MSRA: variants seen among roughly 807,000 people sequenced by gnomAD.
The protein encoded by MSRA is methionine sulfoxide reductase A, also known as mitochondrial peptide methionine sulfoxide reductase.
In MSRA, 54 loss-of-function variants were observed where a neutral mutation model predicts 31.3. The ratio of observed to expected loss-of-function variants is 1.73; its 90% CI spans 1.39 to 2.17. The LOEUF (loss-of-function observed/expected upper bound fraction) is 2.17, where lower values mean the gene tolerates loss of function less well. Ranked by LOEUF, MSRA falls within the 30% of genes most tolerant of loss-of-function variation. MSRA has a pLI of 0.00. For missense variants in MSRA, 507 were observed against 300.9 expected (o/e 1.69, Z -5.07); for synonymous variants, 169 against 116.5 (o/e 1.45, Z -2.90).
At chr8:10,073,367 A>G (rs1414998410) in intron 1 of MSRA, among the ~76,000 whole-genome samples, 1 of 152,164 alleles carries the variant, frequency 6.6e-6, no homozygotes, top group African/African-American at 2.4e-5. Flanking sequence ...TTTTATTGGA[A>G]CACAGGCATG....
At chr8:10,350,303 G>T (rs974387552) in intron 5 of MSRA, among the ~76,000 whole-genome samples, 2 of 152,230 alleles carry the variant, frequency 1.3e-5, no homozygotes, top group Admixed American at 1.3e-4. Flanking sequence ...TACTCACAGC[G>T]CTTCACAGCT....
chr8:10,186,503 T>C (rs7819126), intron 1 of MSRA, among the ~76,000 whole-genome samples: 3,858 of 152,278 alleles, frequency 0.025, 148 homozygotes, highest in African/African-American at 0.088. Context: ...TGAAAACCAC[T>C]CTTAGCTCAT....
intron 3 of MSRA, among the ~76,000 whole-genome samples, chr8:10,271,025 G>T (rs897378401): frequency 1.3e-5 from 2 of 149,770 alleles, no homozygotes; most frequent in African/African-American, 4.9e-5. Context: ...TTTTTGTTCT[G>T]GCAATAAATA....
chr8:10,320,596 C>T (rs1801994983), intron 5 of MSRA, among the ~76,000 whole-genome samples: 2 of 152,190 alleles, frequency 1.3e-5, no homozygotes, highest in Admixed American at 6.5e-5. Flanking sequence ...GAAACTCTCT[C>T]TTTTTTTCTT....
chr8:10,378,708 A>G (rs1458166798), intron 5 of MSRA, among the ~76,000 whole-genome samples: 3 of 152,206 alleles, frequency 2.0e-5, no homozygotes, highest in Non-Finnish European at 4.4e-5. Flanking sequence ...CCACCTGGGA[A>G]CTTGTTAAAA....
At chr8:10,413,621 T>C (rs1808285042) in intron 5 of MSRA, among the ~76,000 whole-genome samples, 1 of 138,394 alleles carries the variant, frequency 7.2e-6, no homozygotes, top group African/African-American at 2.7e-5. Context: ...GTTAGAGTAA[T>C]GCCTCAACAA....
At chr8:10,304,147 G>T (rs1309984472) in intron 4 of MSRA, among the ~76,000 whole-genome samples, 3 of 152,190 alleles carry the variant, frequency 2.0e-5, no homozygotes, top group Non-Finnish European at 4.4e-5. Flanking sequence ...ATGTTGGCCA[G>T]GCTGGTCTTG....
chr8:10,270,489 AAGAG>A (rs1798974184), intron 3 of MSRA, among the ~76,000 whole-genome samples: 1 of 152,134 alleles, frequency 6.6e-6, no homozygotes, highest in East Asian at 1.9e-4. Flanking sequence ...AATACAAAGA[AAGAG>A]AGTTTTGCAG....
chr8:10,100,481 G>A (rs374928853), intron 1 of MSRA, among the ~76,000 whole-genome samples: 2 of 152,238 alleles, frequency 1.3e-5, no homozygotes, highest in South Asian at 2.1e-4. Context: ...TCAAAGGTCT[G>A]TGGCCAGGGA....
chr8:10,384,776 G>C (rs10105867), intron 5 of MSRA, among the ~76,000 whole-genome samples: 21,681 of 152,114 alleles, frequency 0.14, 1,721 homozygotes, highest in African/African-American at 0.21. Flanking sequence ...GAGAGGCTGA[G>C]GTGGGCAGAT....
intron 5 of MSRA, among the ~76,000 whole-genome samples, chr8:10,370,613 G>A (rs1474398305): frequency 6.6e-6 from 1 of 152,220 alleles, no homozygotes; most frequent in Non-Finnish European, 1.5e-5. Context: ...ACCGCCTTGA[G>A]GAGCCACCTT....
chr8:10,097,835 G>A (rs1377697073), intron 1 of MSRA, among the ~76,000 whole-genome samples: 1 of 151,962 alleles, frequency 6.6e-6, no homozygotes, highest in Non-Finnish European at 1.5e-5. Context: ...TAAATTTTTC[G>A]ATACTGGTAA....
intron 3 of MSRA, among the ~76,000 whole-genome samples, chr8:10,286,939 T>G (rs1563311539): frequency 6.6e-6 from 1 of 152,258 alleles, no homozygotes; most frequent in Non-Finnish European, 1.5e-5. Flanking sequence ...TTATTATAAC[T>G]GCTGTGCTGA....
intron 2 of MSRA, among the ~76,000 whole-genome samples, chr8:10,232,568 C>T (rs755366813): frequency 5.9e-5 from 9 of 152,182 alleles, no homozygotes; most frequent in Non-Finnish European, 1.3e-4. Flanking sequence ...CAGATCTTTA[C>T]CAGTCAGGTC....
chr8:10,196,659 C>A (rs1808016362), intron 1 of MSRA, among the ~76,000 whole-genome samples: 1 of 152,168 alleles, frequency 6.6e-6, no homozygotes, highest in Non-Finnish European at 1.5e-5. Flanking sequence ...AAGCCATTTT[C>A]CTGCCTCACC....
chr8:10,237,157 G>C (rs1456492257), intron 2 of MSRA, among the ~76,000 whole-genome samples: 1 of 152,214 alleles, frequency 6.6e-6, no homozygotes, highest in East Asian at 1.9e-4. Context: ...TAACTAGGTT[G>C]AGTTTTTCTC....
intron 5 of MSRA, among the ~76,000 whole-genome samples, chr8:10,401,154 C>G (rs1462334658): frequency 1.3e-5 from 2 of 151,316 alleles, no homozygotes; most frequent in African/African-American, 2.4e-5. Flanking sequence ...AATCATATAT[C>G]TGATAAGGGA....
chr8:10,427,718 C>T (rs1363392718), intron 5 of MSRA, among the ~76,000 whole-genome samples: 1 of 152,164 alleles, frequency 6.6e-6, no homozygotes, highest in Admixed American at 6.5e-5. Context: ...CCGTTTCATT[C>T]CCTCCCACTG....
intron 5 of MSRA, among the ~76,000 whole-genome samples, chr8:10,386,175 G>C (rs750255517): frequency 3.3e-5 from 5 of 152,178 alleles, no homozygotes; most frequent in Non-Finnish European, 7.3e-5. Flanking sequence ...AGTTCTCTGA[G>C]ATATGTATTC....
Sources: allele counts gnomAD v4.1 joint callset (sites outside exome capture counted in the v4.1 genomes callset), GRCh38; gene constraint gnomAD v4.1.1; transcripts MANE v1.5; gene names NCBI Gene and HGNC (gene_info 2026-07-23, HGNC 2026-07-21).